Variants in MBNL3 observed in about 807,000 individuals in gnomAD.
MBNL3 encodes the protein muscleblind-like protein 3.
In MBNL3, 6 loss-of-function variants were observed where a neutral mutation model predicts 24.5. The observed-to-expected ratio is 0.25, with a 90% CI of 0.13 to 0.48. The LOEUF (loss-of-function observed/expected upper bound fraction) is 0.48, where lower values mean the gene tolerates loss of function less well. Among genes scored for constraint, MBNL3 ranks in the 20% least tolerant of loss-of-function variants. The pLI, the probability that MBNL3 is intolerant of heterozygous loss-of-function variation, is 0.99. For synonymous variants in MBNL3, 100 were observed against 101.7 expected (o/e 0.98, Z 0.10); for missense variants, 230 against 293.5 (o/e 0.78, Z 1.58).
intron 5 of MBNL3, among the ~76,000 whole-genome samples, chrX:132,387,850 AT>A (rs1388192293): frequency 8.9e-6 from 1 of 112,118 alleles, no homozygotes; most frequent in African/African-American, 3.2e-5. Context: ...ACCTATTAGC[AT>A]TTTTAAACCA....
At chrX:132,388,960 T>C (rs750549780) in intron 5 of MBNL3, among the ~76,000 whole-genome samples, 9 of 111,565 alleles carry the variant, frequency 8.1e-5, no homozygotes, top group Non-Finnish European at 1.5e-4. Flanking sequence ...TGTGATCAGT[T>C]ACTTAAAAGG....
At chrX:132,466,265 G>A (rs889346670) in intron 1 of MBNL3, among the ~76,000 whole-genome samples, 1 of 112,156 alleles carries the variant, frequency 8.9e-6, no homozygotes, top group Non-Finnish European at 1.9e-5. Context: ...CTTCAGTAAT[G>A]CCTTGAAGGA....
chrX:132,474,114 AT>A (rs1173875095), intron 1 of MBNL3, among the ~76,000 whole-genome samples: 1 of 111,086 alleles, frequency 9.0e-6, no homozygotes, highest in East Asian at 2.8e-4. Context: ...GAGGTTTGTT[AT>A]TTTTTTTATT....
At chrX:132,382,798 T>G (rs1488182688) in intron 7 of MBNL3, among the ~76,000 whole-genome samples, 1 of 112,137 alleles carries the variant, frequency 8.9e-6, no homozygotes, top group Non-Finnish European at 1.9e-5. Context: ...TTACCTGATC[T>G]GCATGCAAAG....
At chrX:132,403,196 G>A (rs1315363125) in intron 3 of MBNL3, among the ~76,000 whole-genome samples, 1 of 111,234 alleles carries the variant, frequency 9.0e-6, no homozygotes, top group African/African-American at 3.3e-5. Context: ...AAATCAGACT[G>A]GTAAATGTTA....
At chrX:132,443,589 G>T (rs904784391) in intron 1 of MBNL3, among the ~76,000 whole-genome samples, 4 of 111,525 alleles carry the variant, frequency 3.6e-5, no homozygotes, top group Non-Finnish European at 5.6e-5. Flanking sequence ...CGTGGAACAT[G>T]CTATGCTCAT....
chrX:132,466,178 G>A (rs1041941713), intron 1 of MBNL3, among the ~76,000 whole-genome samples: 1 of 112,169 alleles, frequency 8.9e-6, no homozygotes, highest in Non-Finnish European at 1.9e-5. Context: ...TTTGTAAAAC[G>A]TTGTTCCCCC....
At chrX:132,401,471 C>T (rs771786142) in intron 3 of MBNL3, among the ~76,000 whole-genome samples, 45 of 109,250 alleles carry the variant, frequency 4.1e-4, no homozygotes, top group African/African-American at 1.4e-3. Flanking sequence ...CATTACTGTG[C>T]ATGGTGATGT....
intron 2 of MBNL3, among the ~76,000 whole-genome samples, chrX:132,414,919 A>G (rs771912183): frequency 3.6e-5 from 4 of 111,482 alleles, no homozygotes; most frequent in Non-Finnish European, 7.5e-5. Context: ...AAAAGCTAAC[A>G]AGATGGATAT....
intron 3 of MBNL3, among the ~76,000 whole-genome samples, chrX:132,396,558 A>ATATATATTCC (rs1393537175): frequency 0.074 from 1,310 of 17,681 alleles, 66 homozygotes; most frequent in Middle Eastern, 0.17. Context: ...ATATATTCCT[A>ATATATATTCC]TATATATTCC....
At chrX:132,430,021 C>G in intron 2 of MBNL3, 1 of 111,099 alleles carries the variant, frequency 9.0e-6, no homozygotes, top group Non-Finnish European at 1.9e-5. Context: ...TATGTATGAG[C>G]GCTTTCTTAA....
chrX:132,396,814 A>ATT (rs1491211724), intron 3 of MBNL3, among the ~76,000 whole-genome samples: 6 of 21,108 alleles, frequency 2.8e-4, no homozygotes, highest in Non-Finnish European at 4.6e-4. Flanking sequence ...ATTCATATAT[A>ATT]CATATATATA....
intron 1 of MBNL3, among the ~76,000 whole-genome samples, chrX:132,486,735 T>C (rs764309175): frequency 8.9e-6 from 1 of 112,260 alleles, no homozygotes; most frequent in African/African-American, 3.2e-5. Context: ...AAGCATTATC[T>C]AGGTAGAGGG....
At chrX:132,478,206 T>C (rs1164165425) in intron 1 of MBNL3, among the ~76,000 whole-genome samples, 1 of 95,469 alleles carries the variant, frequency 1.0e-5, no homozygotes, top group African/African-American at 3.6e-5. Context: ...TTGTTGTTGT[T>C]GTCGTTGTTA....
chrX:132,398,183 A>C (rs1451286450), intron 3 of MBNL3, among the ~76,000 whole-genome samples: 2 of 111,401 alleles, frequency 1.8e-5, no homozygotes, highest in Non-Finnish European at 3.8e-5. Flanking sequence ...TGAGTATAAG[A>C]GGTATAAAGA....
At chrX:132,475,904 A>G (rs1437321023) in intron 1 of MBNL3, among the ~76,000 whole-genome samples, 1 of 111,668 alleles carries the variant, frequency 9.0e-6, no homozygotes, top group South Asian at 3.7e-4. Flanking sequence ...CTATACCATT[A>G]TTCACACCAA....
intron 1 of MBNL3, among the ~76,000 whole-genome samples, chrX:132,451,127 C>T (rs1377104905): frequency 8.9e-6 from 1 of 112,505 alleles, no homozygotes; most frequent in East Asian, 2.8e-4. Context: ...AGGTTTCTCC[C>T]AGTCAGGAGG....
chrX:132,396,582 ATATATATTCC>A (rs1427022922), intron 3 of MBNL3, among the ~76,000 whole-genome samples: 7 of 55,626 alleles, frequency 1.3e-4, no homozygotes, highest in Non-Finnish European at 1.8e-4. Flanking sequence ...ATATATTCCT[ATATATATTCC>A]TATATATATT....
chrX:132,456,890 A>C (rs1405361324), intron 1 of MBNL3, among the ~76,000 whole-genome samples: 1 of 111,919 alleles, frequency 8.9e-6, no homozygotes, highest in East Asian at 2.8e-4. Context: ...ACTGCTTGAC[A>C]TAGTGGGTTT....
Sources: allele counts gnomAD v4.1 joint callset (sites outside exome capture counted in the v4.1 genomes callset), GRCh38; gene constraint gnomAD v4.1.1; transcripts MANE v1.5; gene names NCBI Gene and HGNC (gene_info 2026-07-23, HGNC 2026-07-21).